Variants in LACTBL1 observed in about 807,000 individuals in gnomAD.
The protein encoded by LACTBL1 is beta-lactamase-like protein 1.
In LACTBL1, 29 loss-of-function variants were observed where a neutral mutation model predicts 39.6. The ratio of observed to expected loss-of-function variants is 0.73; its 90% CI spans 0.55 to 1.00. The LOEUF (loss-of-function observed/expected upper bound fraction) is 1.00. Ranked by LOEUF, LACTBL1 falls within the 50% of genes least tolerant of loss-of-function variation. LACTBL1 has a pLI of 0.00. For synonymous variants in LACTBL1, 361 were observed against 360.7 expected, an observed-to-expected ratio of 1.00 and a Z score of -0.01; for missense variants, 711 against 748.5, an observed-to-expected ratio of 0.95 and a Z score of 0.59.
At chr1:22,958,784 A>G (rs1028955689) in exon 4 of LACTBL1, 3 of 1,550,658 alleles carry the variant, frequency 1.9e-6, no homozygotes, top group Non-Finnish European at 2.6e-6. Context: ...TGTTCGGCTG[A>G]TGCCAGGCCC....
intron 2 of LACTBL1, among the ~76,000 whole-genome samples, chr1:22,961,252 T>C (rs1200863281): frequency 2.6e-5 from 4 of 152,228 alleles, no homozygotes; most frequent in Non-Finnish European, 5.9e-5. Flanking sequence ...ATTTTACAGA[T>C]GAGAAATGAG....
intron 1 of LACTBL1, 120 bp downstream of exon 3, chr1:22,965,170 G>C: frequency 1.1e-6 from 1 of 877,078 alleles, no homozygotes; most frequent in Non-Finnish European, 1.5e-6. Context: ...ATGGAGTCCA[G>C]AGCTTCTGAG....
At chr1:22,964,582 G>T (rs1640858921) in intron 1 of LACTBL1, among the ~76,000 whole-genome samples, 1 of 152,224 alleles carries the variant, frequency 6.6e-6, no homozygotes, top group East Asian at 1.9e-4. Flanking sequence ...AGGCTTTGGG[G>T]TGGTTTGTTA....
chr1:22,961,080 T>G (rs1392859402), intron 2 of LACTBL1, among the ~76,000 whole-genome samples: 1 of 152,094 alleles, frequency 6.6e-6, no homozygotes, highest in African/African-American at 2.4e-5. Context: ...TCACCTAGCC[T>G]GAACATTTAT....
chr1:22,959,373 T>C (rs1011025528), intron 3 of LACTBL1, among the ~76,000 whole-genome samples: 1 of 152,198 alleles, frequency 6.6e-6, no homozygotes, highest in Admixed American at 6.5e-5. Flanking sequence ...TTAGCACATA[T>C]AACTGTTGGC....
intron 4 of LACTBL1, 130 bp from the exon 7 acceptor site, chr1:22,955,556 A>C: frequency 1.6e-6 from 1 of 644,556 alleles, no homozygotes; most frequent in Non-Finnish European, 2.7e-6. Context: ...TAAAAAAGAA[A>C]ATCAGCCTAG....
intron 5 of LACTBL1, 47 bp downstream of exon 7, chr1:22,955,274 C>T: frequency 6.9e-7 from 1 of 1,458,088 alleles, no homozygotes. Context: ...GTGTGTCTCC[C>T]CAGGAGGCTC....
chr1:22,962,970 G>A (rs578051047), intron 2 of LACTBL1, 137 bp downstream of exon 4: 7 of 434,284 alleles, frequency 1.6e-5, no homozygotes, highest in Middle Eastern at 5.8e-4. Flanking sequence ...ATAGTGCCTC[G>A]CACAGAGTAG....
chr1:22,954,138 G>T, intron 5 of LACTBL1, 114 bp from the exon 8 acceptor site: 1 of 1,439,978 alleles, frequency 6.9e-7, no homozygotes, highest in Non-Finnish European at 9.1e-7. Context: ...CTGCTCCCCT[G>T]CATCCCAGGT....
chr1:22,953,921 G>A, exon 6 of LACTBL1: 1 of 1,550,358 alleles, frequency 6.5e-7, no homozygotes, highest in South Asian at 1.2e-5. Flanking sequence ...ATCCCCAGCG[G>A]CTCCAGCACG....
chr1:22,964,473 C>A (rs1308157440), intron 1 of LACTBL1, among the ~76,000 whole-genome samples: 1 of 152,210 alleles, frequency 6.6e-6, no homozygotes, highest in Non-Finnish European at 1.5e-5. Flanking sequence ...AGCCGACTTG[C>A]CCAGTGCACC....
upstream of LACTBL1, among the ~76,000 whole-genome samples, chr1:22,969,349 C>G (rs1260907391): frequency 2.0e-5 from 3 of 152,140 alleles, no homozygotes; most frequent in Non-Finnish European, 4.4e-5. Context: ...CAACCTGTCC[C>G]CCACTGACTC....
chr1:22,972,375 A>G, the LACTBL1 span: 1 of 985,060 alleles, frequency 1.0e-6, no homozygotes, highest in African/African-American at 1.7e-5. Context: ...ACCACAGGAG[A>G]TCCCGTAAGC....
chr1:22,961,217 C>T (rs190378683), intron 2 of LACTBL1, among the ~76,000 whole-genome samples: 7 of 152,288 alleles, frequency 4.6e-5, no homozygotes, highest in African/African-American at 1.4e-4. Context: ...CTTTCATCCT[C>T]GTGAGTCAGT....
chr1:22,958,142 TG>T (rs1640780966), intron 4 of LACTBL1, among the ~76,000 whole-genome samples: 1 of 152,220 alleles, frequency 6.6e-6, no homozygotes, highest in Non-Finnish European at 1.5e-5. Context: ...GATCTTACTA[TG>T]TCATTAATCA....
At chr1:22,970,672 T>G in the LACTBL1 span, among the ~76,000 whole-genome samples, 3 of 152,156 alleles carry the variant, frequency 2.0e-5, no homozygotes, top group African/African-American at 7.2e-5. Flanking sequence ...TTGCCAGGCA[T>G]GCTGGCATGC....
exon 6 of LACTBL1, chr1:22,953,405 G>A (rs1640726418): frequency 1.6e-6 from 2 of 1,227,978 alleles, no homozygotes; most frequent in Middle Eastern, 3.1e-4. Context: ...GCGAAGGGGT[G>A]CGCGGTGGGC....
chr1:22,955,839 G>T (rs1640756263), intron 4 of LACTBL1, among the ~76,000 whole-genome samples: 1 of 152,118 alleles, frequency 6.6e-6, no homozygotes, highest in Non-Finnish European at 1.5e-5. Context: ...AAGGTGGGCG[G>T]ATTGCCTGAG....
intron 1 of LACTBL1, among the ~76,000 whole-genome samples, chr1:22,964,604 A>G (rs916705077): frequency 2.0e-5 from 3 of 152,238 alleles, no homozygotes; most frequent in Non-Finnish European, 4.4e-5. Context: ...TTAACAATAG[A>G]TAACTGACGC....
Sources: allele counts gnomAD v4.1 joint callset (sites outside exome capture counted in the v4.1 genomes callset), GRCh38; gene constraint gnomAD v4.1.1; transcripts MANE v1.5; gene names NCBI Gene and HGNC (gene_info 2026-07-23, HGNC 2026-07-21).